Variants in ENPP6 observed in about 807,000 individuals in gnomAD.
ENPP6 encodes ectonucleotide pyrophosphatase/phosphodiesterase 6, also known as glycerophosphocholine cholinephosphodiesterase ENPP6.
ENPP6 carries 32 observed loss-of-function variants against 42.0 expected under a neutral mutation model. The ratio of observed to expected loss-of-function variants is 0.76; its 90% CI spans 0.58 to 1.02. ENPP6 has a LOEUF of 1.02. ENPP6 is among the 50% of genes least tolerant of loss of function. ENPP6 has a pLI of 0.00. For synonymous variants in ENPP6, 213 were observed against 216.0 expected, an observed-to-expected ratio of 0.99 and a Z score of 0.12; for missense variants, 552 against 566.8, an observed-to-expected ratio of 0.97 and a Z score of 0.27.
At chr4:184,155,771 A>C (rs991783597) in intron 1 of ENPP6, among the ~76,000 whole-genome samples, 8 of 152,242 alleles carry the variant, frequency 5.3e-5, no homozygotes, top group African/African-American at 1.9e-4. Context: ...AAGCAACCAA[A>C]AAACAGTTTT....
At chr4:184,119,247 T>A (rs1736374735) in intron 3 of ENPP6, among the ~76,000 whole-genome samples, 1 of 152,140 alleles carries the variant, frequency 6.6e-6, no homozygotes. Context: ...TTATCCTCTA[T>A]ATTATTAAGC....
chr4:184,171,632 AGCTTTG>A (rs1162289909), intron 1 of ENPP6, among the ~76,000 whole-genome samples: 5 of 152,246 alleles, frequency 3.3e-5, no homozygotes, highest in Non-Finnish European at 7.3e-5. Flanking sequence ...CATTTGTCAC[AGCTTTG>A]TCTAAGCCAT....
chr4:184,129,291 T>TACACACACACACAC (rs60982411), intron 2 of ENPP6, among the ~76,000 whole-genome samples: 63 of 145,396 alleles, frequency 4.3e-4, no homozygotes, highest in Middle Eastern at 3.6e-3. Flanking sequence ...CCCCCCAACA[T>TACACACACACACAC]ACACACACAC....
At chr4:184,160,925 G>A (rs2061186877) in intron 1 of ENPP6, among the ~76,000 whole-genome samples, 1 of 152,176 alleles carries the variant, frequency 6.6e-6, no homozygotes, top group Admixed American at 6.5e-5. Flanking sequence ...TGGGGATTCA[G>A]TCTGGAGAGG....
intron 5 of ENPP6, among the ~76,000 whole-genome samples, chr4:184,114,345 C>A (rs1489757753): frequency 6.6e-6 from 1 of 152,144 alleles, no homozygotes; most frequent in Non-Finnish European, 1.5e-5. Flanking sequence ...TTGACTTGGC[C>A]TTTAGCCAAA....
intron 6 of ENPP6, chr4:184,112,457 G>C (rs1251546161): frequency 3.7e-6 from 2 of 536,682 alleles, no homozygotes; most frequent in East Asian, 3.2e-5. Flanking sequence ...CTGGAGCCAC[G>C]AAGTCTAAAC....
At position 184,112,780 on chromosome 4, in the gene ENPP6, G is replaced by A. The variant is rs1483043499; in HGVS notation, c.885C>T (p.His295=). Residue 295 remains histidine, a synonymous_variant, in exon 6 of 8, where the codon CAC becomes CAT. Transcript: ENST00000296741. The part of the protein sequence containing the change: ...EIYNKLSTVE[H]MTVYEKEAIP... ...TGGCTTCTTTCTCGTAGACAGTCAT[G>A]TGTTCCACTGTGCTCAGTTTGTTAT... 2.5e-6 allele frequency: 4 copies of A among 1,613,896 alleles called. No homozygotes were observed. The highest frequency in any genetic ancestry group is 3.4e-6 in the Non-Finnish European group (4 of 1,179,998).
intron 5 of ENPP6, 38 bp from the exon 6 acceptor site, chr4:184,112,847 C>T: frequency 1.3e-6 from 2 of 1,569,576 alleles, no homozygotes; most frequent in African/African-American, 1.4e-5. Flanking sequence ...TTGACACTCT[C>T]TTAAATATGT....
chr4:184,156,270 C>G, intron 1 of ENPP6, among the ~76,000 whole-genome samples: 1 of 152,160 alleles, frequency 6.6e-6, no homozygotes, highest in South Asian at 2.1e-4. Flanking sequence ...GATCTTGTCC[C>G]GCCTTCCCAT....
At position 184,129,265 on chromosome 4, in the gene ENPP6, C is replaced by T. The variant is rs573889505; in HGVS notation, c.422-4993G>A. 1.1e-3 allele frequency among the ~76,000 whole-genome samples: 111 copies of T among 96,908 alleles called. 2 individuals carry two copies. In the South Asian group the frequency reaches 0.036, roughly 32 times the overall value. The allele number at this position is 96,908 out of a possible 152,430, so 63.6% of individuals were successfully genotyped here. ...TGTAATCCGTGGAAAAATGCACTGA[C>T]GTAGTACACAAACACCCCCCCAACA... On this transcript the variant is annotated intron_variant, in intron 2 of 7. Coordinates refer to ENST00000296741, the MANE Select transcript of ENPP6 (RefSeq NM_153343.4).
At chr4:184,163,419 C>G (rs886508368) in intron 1 of ENPP6, among the ~76,000 whole-genome samples, 2 of 152,144 alleles carry the variant, frequency 1.3e-5, no homozygotes, top group African/African-American at 4.8e-5. Context: ...TGACCTGAAC[C>G]TGGACCTCCC....
chr4:184,142,160 G>A (rs1243136003), intron 2 of ENPP6, among the ~76,000 whole-genome samples: 1 of 152,170 alleles, frequency 6.6e-6, no homozygotes, highest in Non-Finnish European at 1.5e-5. Context: ...CTCTCTCCAA[G>A]GACCGCCAAG....
chr4:184,201,748 T>C (rs1006273724), intron 1 of ENPP6, among the ~76,000 whole-genome samples: 33 of 151,830 alleles, frequency 2.2e-4, no homozygotes, highest in African/African-American at 6.8e-4. Context: ...TTTTTTTTTT[T>C]CCTCAGGGCA....
intron 1 of ENPP6, among the ~76,000 whole-genome samples, chr4:184,164,757 G>T (rs907528238): frequency 2.6e-5 from 4 of 152,202 alleles, no homozygotes; most frequent in Admixed American, 2.0e-4. Flanking sequence ...GGCCCTAAGG[G>T]ATAAGTACTA....
Position 184,098,226 on chromosome 4 carries a change from G to A in ENPP6, c.994-858C>T, listed in dbSNP as rs556687762. On this transcript the variant is annotated intron_variant, in intron 6 of 7. Coordinates refer to ENST00000296741, the MANE Select transcript of ENPP6 (RefSeq NM_153343.4). ...TGTAGCCAAATCACACGCAGGTGCCGGCAGCCTGGGGACCTGGGACTTGTG... is the reference window on the plus strand; with the variant it reads ...TGTAGCCAAATCACACGCAGGTGCCAGCAGCCTGGGGACCTGGGACTTGTG... Among the ~76,000 whole-genome samples the A allele has an allele frequency of 2.2e-4, 34 of 152,280 alleles. No homozygotes were observed. The South Asian group carries it at 6.4e-3, about 29-fold the overall frequency.
chr4:184,153,113 A>G (rs1737084809), intron 2 of ENPP6, among the ~76,000 whole-genome samples: 1 of 147,368 alleles, frequency 6.8e-6, no homozygotes, highest in African/African-American at 2.5e-5. Context: ...TGCCCATAAG[A>G]CATATTTCTT....
intron 1 of ENPP6, among the ~76,000 whole-genome samples, chr4:184,165,469 A>C (rs1256491500): frequency 6.6e-6 from 1 of 152,202 alleles, no homozygotes; most frequent in Non-Finnish European, 1.5e-5. Flanking sequence ...GTGTAGCCTC[A>C]TCAGTTCACC....
intron 2 of ENPP6, among the ~76,000 whole-genome samples, chr4:184,126,351 A>G (rs1736502728): frequency 6.6e-6 from 1 of 152,208 alleles, no homozygotes. Context: ...GATTAATTAC[A>G]TGTAAAATTC....
intron 1 of ENPP6, among the ~76,000 whole-genome samples, chr4:184,159,433 G>C (rs985276618): frequency 1.3e-5 from 2 of 152,142 alleles, no homozygotes; most frequent in African/African-American, 4.8e-5. Flanking sequence ...ATCACCAGCA[G>C]ACTATGAAAG....
Sources: gnomAD v4.1 joint callset for allele counts (sites outside exome capture counted in the v4.1 genomes callset) on GRCh38, gnomAD v4.1.1 for gene constraint, MANE v1.5 for transcripts, NCBI Gene and HGNC (gene_info 2026-07-23, HGNC 2026-07-21) for gene names.